Variants in PHACTR2 observed in about 807,000 individuals in gnomAD.
PHACTR2 encodes the protein chromosome 6 open reading frame 56.
In PHACTR2, 30 loss-of-function variants were observed where a neutral mutation model predicts 76.0. That is an observed-to-expected ratio of 0.39 (90% CI 0.30 to 0.54). The LOEUF (loss-of-function observed/expected upper bound fraction) is 0.54. PHACTR2 is among the 20% of genes least tolerant of loss of function. The pLI, the probability that PHACTR2 is intolerant of heterozygous loss-of-function variation, is 0.61. For synonymous variants in PHACTR2, 292 were observed against 292.5 expected (o/e 1.00, Z 0.02); for missense variants, 696 against 781.1 (o/e 0.89, Z 1.30).
In PHACTR2 at chr6:143,801,235, T is replaced by A. The variant is rs1775947868; in HGVS notation, c.1846-5822T>A. Among the ~76,000 whole-genome samples, 1 of 152,206 alleles carries A rather than the reference T, an allele frequency of 6.6e-6. No homozygotes were observed. Among genetic ancestry groups the A allele is most frequent in the South Asian group, 2.1e-4 (1 of 4,828 alleles). On this transcript the variant is annotated intron_variant, in intron 11 of 12. Transcript: ENST00000440869. This position sits in a 1 kb window ranked among gnomAD's most constrained non-coding sequence, Gnocchi z 4.6. ...ATTCTCTGTATTTCCTGAATTTGAA[T>A]GTTGGCCTCTCTTGCTAGGTTGGGG...
At position 143,828,480 on chromosome 6, in the gene PHACTR2, C is replaced by G. The variant is rs1339999337; in HGVS notation, c.*4791C>G. ...AGAAAGCAGCTGGAACCTTACCCAC[C>G]AATGCTTTTTTGAAGACAGTATCAT... On this transcript the variant is annotated 3_prime_UTR_variant, in exon 13 of 13. Coordinates refer to ENST00000440869, the MANE Select transcript of PHACTR2 (RefSeq NM_001100164.2). This position sits in a 1 kb window ranked among gnomAD's most constrained non-coding sequence, Gnocchi z 4.7. 5 of 152,164 alleles carry G rather than the reference C, an allele frequency of 3.3e-5. No homozygotes were observed. The highest frequency in any genetic ancestry group is 1.2e-4 in the African/African-American group (5 of 41,430). The allele number at this position is 152,164 out of a possible 1,614,324, so 9.4% of individuals were successfully genotyped here.
rs1582880507 is a variant in PHACTR2 at position 143,787,077 on chromosome 6, T to C, written c.1708-1696T>C. 2.0e-5 allele frequency among the ~76,000 whole-genome samples: 3 copies of C among 152,134 alleles called. No individual in the cohort carries two copies. In the East Asian group the frequency reaches 5.8e-4, roughly 29 times the overall value. On this transcript the variant is annotated intron_variant, in intron 10 of 12. Transcript: ENST00000440869. The surrounding 1 kb of genome is among the most constrained non-coding windows in gnomAD (Gnocchi z 4.6). Reference sequence around the variant, plus strand: ...CCTGGGCACAGTCTTGTGATACAAATCATCTTTCTCAATCCAGCTGGGCCC... The same window carrying C: ...CCTGGGCACAGTCTTGTGATACAAACCATCTTTCTCAATCCAGCTGGGCCC...
rs1776665118 is a variant in PHACTR2, at chr6:143,646,758, C to T, written c.13+38436C>T. On this transcript the variant is annotated intron_variant, in intron 1 of 11. Transcript: ENST00000305766. The surrounding 1 kb of genome is among the most constrained non-coding windows in gnomAD (Gnocchi z 4.1). ...CATGGAATTTCCCCCAAGCACTACT[C>T]TCTGAAGAGCCTGAAAAAGTATGTA... is the stretch of plus-strand genomic sequence containing the variant. 6.6e-6 allele frequency among the ~76,000 whole-genome samples: 1 copy of T among 152,216 alleles called. No homozygotes were observed. Among genetic ancestry groups the T allele is most frequent in the Non-Finnish European group, 1.5e-5 (1 of 68,044 alleles).
Position 143,646,867 on chromosome 6 carries a change from G to A in PHACTR2, c.13+38545G>A, listed in dbSNP as rs897722333. ...GCTTAGTGTCTGAATAGCAGAGAACGTTTTCTCATCCTTAGTTATGTTTGT... is the reference window on the plus strand; with the variant it reads ...GCTTAGTGTCTGAATAGCAGAGAACATTTTCTCATCCTTAGTTATGTTTGT... On this transcript the variant is annotated intron_variant, in intron 1 of 11. Coordinates refer to the PHACTR2 transcript ENST00000305766. This position sits in a 1 kb window ranked among gnomAD's most constrained non-coding sequence, Gnocchi z 4.1. 6.6e-6 allele frequency among the ~76,000 whole-genome samples: 1 copy of A among 152,160 alleles called. No homozygotes were observed. Among genetic ancestry groups the A allele is most frequent in the Non-Finnish European group, 1.5e-5 (1 of 68,022 alleles).
intron 1 of PHACTR2, among the ~76,000 whole-genome samples, chr6:143,588,940 C>T (rs2128434080): frequency 6.6e-6 from 1 of 152,312 alleles, no homozygotes; most frequent in African/African-American, 2.4e-5. Context: ...TAATTTGAAT[C>T]AATGATCAAA....
At chr6:143,632,807 G>A (rs1776386392) in intron 1 of PHACTR2, among the ~76,000 whole-genome samples, 1 of 151,988 alleles carries the variant, frequency 6.6e-6, no homozygotes, top group Non-Finnish European at 1.5e-5. Flanking sequence ...CCTTTTTACT[G>A]TCTCCATAGT....
Position 143,611,300 on chromosome 6 carries a change from G to A in PHACTR2, c.13+2978G>A, listed in dbSNP as rs566428680. 7.9e-5 allele frequency among the ~76,000 whole-genome samples: 12 copies of A among 152,270 alleles called. No individual in the cohort carries two copies. Among genetic ancestry groups the A allele is most frequent in the African/African-American group, 2.4e-4 (10 of 41,554 alleles). ...TGCTGAGAGCCCCTGCGCCTTCACC[G>A]TGCATTCTAGCTCAGTGGTTCAAAG... On this transcript the variant is annotated intron_variant, in intron 1 of 11. Coordinates refer to the PHACTR2 transcript ENST00000305766. The surrounding 1 kb of genome is among the most constrained non-coding windows in gnomAD (Gnocchi z 4.4).
rs1000556984 is a variant in PHACTR2 at position 143,708,507 on chromosome 6, G to A, written c.47-3509G>A. Among the ~76,000 whole-genome samples, 8 of 152,224 alleles carry A rather than the reference G, an allele frequency of 5.3e-5. No individual in the cohort carries two copies. The highest frequency in any genetic ancestry group is 7.3e-5 in the Non-Finnish European group (5 of 68,048). Reference sequence around the variant, plus strand: ...CCTTTCATCTGGGATTTACCTGGCAGTTTGTTCTTATCTGCATGTAAATGC... The same window carrying A: ...CCTTTCATCTGGGATTTACCTGGCAATTTGTTCTTATCTGCATGTAAATGC... On this transcript the variant is annotated intron_variant, in intron 1 of 12. Transcript: ENST00000440869. The surrounding 1 kb of genome is among the most constrained non-coding windows in gnomAD (Gnocchi z 5.5).
rs11155322 is a variant in PHACTR2, at chr6:143,757,965, A to G, written c.455-2436A>G. On this transcript the variant is annotated intron_variant, in intron 4 of 12. Coordinates refer to ENST00000440869, the MANE Select transcript of PHACTR2 (RefSeq NM_001100164.2). The surrounding 1 kb of genome is among the most constrained non-coding windows in gnomAD (Gnocchi z 4.2). ...TGTGTGTGCATGCACACGTGCGCGC[A>G]CACACACACACACACACACACACAT... Among the ~76,000 whole-genome samples the G allele has an allele frequency of 0.02, 2,105 of 107,498 alleles. 32 individuals carry two copies. Among genetic ancestry groups the G allele is most frequent in the Admixed American group, 0.049 (575 of 11,854 alleles). The allele number at this position is 107,498 out of a possible 152,430, so 70.5% of individuals were successfully genotyped here. A position where few individuals can be genotyped will look rare whatever the true frequency, so the allele number is the denominator to read the frequency against.
chr6:143,560,634 T>C (rs903913409), intron 1 of PHACTR2, among the ~76,000 whole-genome samples: 14 of 152,132 alleles, frequency 9.2e-5, no homozygotes, highest in African/African-American at 3.4e-4. Flanking sequence ...TTCAACATAA[T>C]GTAATATGGG....
Position 143,803,822 on chromosome 6 carries a change from C to T in PHACTR2, c.1846-3235C>T, listed in dbSNP as rs1019121034. On this transcript the variant is annotated intron_variant, in intron 11 of 12. Coordinates refer to ENST00000440869, the MANE Select transcript of PHACTR2 (RefSeq NM_001100164.2). This position sits in a 1 kb window ranked among gnomAD's most constrained non-coding sequence, Gnocchi z 4.7. Reference sequence around the variant, plus strand: ...GAATGATGTCTTTTGTTTCCAAAGTCGATATACTAGAGCGTTGCGAAAATA... The same window carrying T: ...GAATGATGTCTTTTGTTTCCAAAGTTGATATACTAGAGCGTTGCGAAAATA... 1.3e-5 allele frequency among the ~76,000 whole-genome samples: 2 copies of T among 152,102 alleles called. No homozygotes were observed. The highest frequency in any genetic ancestry group is 6.5e-5 in the Admixed American group (1 of 15,278).
chr6:143,670,318 T>A (rs1777130528), intron 1 of PHACTR2, among the ~76,000 whole-genome samples: 1 of 152,166 alleles, frequency 6.6e-6, no homozygotes, highest in African/African-American at 2.4e-5. Flanking sequence ...TAATTATGTG[T>A]CTTGGGGTTG....
rs948432034 is a variant in PHACTR2 at position 143,592,637 on chromosome 6, C to T, written c.217+55430C>T. On this transcript the variant is annotated intron_variant, in intron 1 of 11. Coordinates refer to the PHACTR2 transcript ENST00000367584. The surrounding 1 kb of genome is among the most constrained non-coding windows in gnomAD (Gnocchi z 4.0). Reference sequence around the variant, plus strand: ...TGTCCTTCCCTCTGTCTGTCCATCTCATCGATAAAGCCATGCGTATATGAA... The same window carrying T: ...TGTCCTTCCCTCTGTCTGTCCATCTTATCGATAAAGCCATGCGTATATGAA... Among the ~76,000 whole-genome samples, 8 of 152,130 alleles carry T rather than the reference C, an allele frequency of 5.3e-5. No homozygotes were observed. The highest frequency in any genetic ancestry group is 1.9e-4 in the African/African-American group (8 of 41,418).
chr6:143,686,534 C>T (rs1342561728), intron 1 of PHACTR2, among the ~76,000 whole-genome samples: 2 of 120,812 alleles, frequency 1.7e-5, no homozygotes, highest in Admixed American at 2.1e-4. Flanking sequence ...TTTACCTAGG[C>T]TGGAGTGCAG....
chr6:143,592,214 A>C lies in PHACTR2; in HGVS notation c.217+55007A>C, dbSNP rs1775699786. ...TCGTTAGCTTGATTTACAGCTTTTA[A>C]ATATTTAGGCATATGGGATGGGGGC... On this transcript the variant is annotated intron_variant, in intron 1 of 11. Transcript: ENST00000367584. The surrounding 1 kb of genome is among the most constrained non-coding windows in gnomAD (Gnocchi z 4.0). Among the ~76,000 whole-genome samples the C allele has an allele frequency of 6.6e-6, 1 of 152,162 alleles. No homozygotes were observed.
At position 143,820,631 on chromosome 6, in the gene PHACTR2, C is replaced by T. The variant is rs4896673; in HGVS notation, c.1923-3043C>T. Among the ~76,000 whole-genome samples the T allele has an allele frequency of 0.33, 49,834 of 152,198 alleles. 8,409 individuals carry two copies. Among genetic ancestry groups the T allele is most frequent in the Middle Eastern group, 0.43 (127 of 294 alleles). On this transcript the variant is annotated intron_variant, in intron 12 of 12. Coordinates refer to ENST00000440869, the MANE Select transcript of PHACTR2 (RefSeq NM_001100164.2). This position sits in a 1 kb window ranked among gnomAD's most constrained non-coding sequence, Gnocchi z 4.2. ...AGGTGCAGCCCCCAGGCTGATCTCA[C>T]AGGCTGGCGTTGAATGTCTGTGGCT...
intron 1 of PHACTR2, among the ~76,000 whole-genome samples, chr6:143,594,578 T>A (rs1775727250): frequency 1.3e-5 from 2 of 152,244 alleles, no homozygotes; most frequent in Non-Finnish European, 2.9e-5. Flanking sequence ...TTGGTGGAGA[T>A]TCAGCCCCAC....
At position 143,765,376 on chromosome 6, in the gene PHACTR2, G is replaced by A; in HGVS notation, c.810G>A (p.Gly270=). Residue 270 remains glycine, a synonymous_variant, in exon 6 of 13, where the codon GGG becomes GGA. Coordinates refer to ENST00000440869, the MANE Select transcript of PHACTR2 (RefSeq NM_001100164.2). The surrounding 1 kb of genome is among the most constrained non-coding windows in gnomAD (Gnocchi z 4.1). The part of the protein sequence containing the change: ...ASKETVSSKA[G]TVGTTKGKRK... ...AGGAGACAGTTTCTAGCAAAGCAGG[G>A]ACAGTGGGGACCACCAAGGGCAAGA... 2 of 1,614,222 alleles carry A rather than the reference G, an allele frequency of 1.2e-6. No homozygotes were observed. Among genetic ancestry groups the A allele is most frequent in the South Asian group, 1.1e-5 (1 of 91,090 alleles).
At chr6:143,817,393 G>A (rs551778956) in intron 12 of PHACTR2, among the ~76,000 whole-genome samples, 1 of 152,204 alleles carries the variant, frequency 6.6e-6, no homozygotes, top group Non-Finnish European at 1.5e-5. Context: ...GGGTCCTGGA[G>A]GTACAATGCA....
Sources: gnomAD v4.1 joint callset for allele counts (sites outside exome capture counted in the v4.1 genomes callset) on GRCh38, gnomAD v4.1.1 for gene constraint, Gnocchi (gnomAD v3.1) non-coding constraint, MANE v1.5 for transcripts, NCBI Gene and HGNC (gene_info 2026-07-23, HGNC 2026-07-21) for gene names.